The following RIMS3 variants were observed in gnomAD, a reference collection of about 807,000 sequenced individuals.
RIMS3 encodes regulating synaptic membrane exocytosis protein 3.
Under a neutral mutation model 29.2 loss-of-function variants are expected in RIMS3, and 15 were observed. That is an observed-to-expected ratio of 0.51 (90% CI 0.34 to 0.79). RIMS3 has a LOEUF of 0.79. Ranked by LOEUF, RIMS3 falls within the 30% of genes least tolerant of loss-of-function variation. The pLI is 0.01. For synonymous variants in RIMS3, 161 were observed against 170.1 expected (o/e 0.95, Z 0.41); for missense variants, 342 against 421.4 (o/e 0.81, Z 1.65).
At chr1:40,675,774 A>AC in the RIMS3 span, among the ~76,000 whole-genome samples, 1 of 151,188 alleles carries the variant, frequency 6.6e-6, no homozygotes, top group African/African-American at 2.4e-5. Flanking sequence ...AAAAAAAAAA[A>AC]AAAATTAGCC....
chr1:40,661,345 T>A (rs191483531), intron 1 of RIMS3, among the ~76,000 whole-genome samples: 5 of 152,148 alleles, frequency 3.3e-5, no homozygotes, highest in Non-Finnish European at 5.9e-5. Context: ...GCCCTCCACC[T>A]CATCCTTGGG....
At chr1:40,667,709 A>T (rs1642442776), upstream of RIMS3, among the ~76,000 whole-genome samples, 1 of 152,232 alleles carries the variant, frequency 6.6e-6, no homozygotes, top group Admixed American at 6.5e-5. Context: ...ACCCGATACT[A>T]AAACATACTA....
intron 2 of RIMS3, among the ~76,000 whole-genome samples, chr1:40,646,757 G>C (rs1483872029): frequency 6.6e-6 from 1 of 152,064 alleles, no homozygotes; most frequent in Non-Finnish European, 1.5e-5. Context: ...CCTCTACCCT[G>C]GGGTCTCAGT....
the RIMS3 span, among the ~76,000 whole-genome samples, chr1:40,684,662 A>G: frequency 7.9e-5 from 12 of 152,364 alleles, no homozygotes; most frequent in African/African-American, 2.9e-4. Context: ...AGCTGTAGCT[A>G]GTCTCTTGAC....
chr1:40,633,709 A>G (rs1646503901), intron 4 of RIMS3, among the ~76,000 whole-genome samples: 1 of 152,262 alleles, frequency 6.6e-6, no homozygotes, highest in African/African-American at 2.4e-5. Flanking sequence ...TGGTTGTTCC[A>G]TGACTGTGTG....
Position 40,635,901 on chromosome 1 carries a change from C to G in RIMS3, c.359+15G>C. 1 of 1,611,822 alleles carries G rather than the reference C, an allele frequency of 6.2e-7. No homozygotes were observed. Among genetic ancestry groups the G allele is most frequent in the Non-Finnish European group, 8.5e-7 (1 of 1,179,648 alleles). ...GAGGAGGAGGGAGGGGACCACAGCA[C>G]GGGGCTGCACGCACGTGCCGTCGGA... On this transcript the variant is annotated intron_variant, in intron 4 of 7. Coordinates refer to ENST00000372684, the MANE Select transcript of RIMS3 (RefSeq NM_014747.3). This position sits in a 1 kb window ranked among gnomAD's most constrained non-coding sequence, Gnocchi z 4.1.
Position 40,654,235 on chromosome 1 carries a change from C to G in RIMS3, c.-206-6393G>C, listed in dbSNP as rs1642238379. 6.6e-6 allele frequency among the ~76,000 whole-genome samples: 1 copy of G among 150,834 alleles called. No individual in the cohort carries two copies. Among genetic ancestry groups the G allele is most frequent in the African/African-American group, 2.4e-5 (1 of 41,198 alleles). ...TCATGGGGGGAAGGGGCTCCAGTTA[C>G]CAGCCCCGCACCAAGCCGGAAGGCG... On this transcript the variant is annotated intron_variant, in intron 1 of 7. Coordinates refer to ENST00000372684, the MANE Select transcript of RIMS3 (RefSeq NM_014747.3). This position sits in a 1 kb window ranked among gnomAD's most constrained non-coding sequence, Gnocchi z 5.3.
the RIMS3 span, among the ~76,000 whole-genome samples, chr1:40,684,770 G>A: frequency 1.3e-5 from 2 of 152,172 alleles, no homozygotes; most frequent in African/African-American, 4.8e-5. Context: ...AGGGAAGAGT[G>A]GATTGTTATA....
chr1:40,637,467 C>A (rs1019168146), intron 3 of RIMS3, among the ~76,000 whole-genome samples: 2 of 151,816 alleles, frequency 1.3e-5, no homozygotes, highest in African/African-American at 4.8e-5. Flanking sequence ...GAATCCATGA[C>A]ACCATCAACA....
In RIMS3 at chr1:40,654,047, C is replaced by A. The variant is rs1273915738; in HGVS notation, c.-206-6205G>T. 1.3e-5 allele frequency among the ~76,000 whole-genome samples: 2 copies of A among 152,240 alleles called. No homozygotes were observed. The highest frequency in any genetic ancestry group is 3.9e-4 in the East Asian group (2 of 5,178). On this transcript the variant is annotated intron_variant, in intron 1 of 7. Coordinates refer to ENST00000372684, the MANE Select transcript of RIMS3 (RefSeq NM_014747.3). The surrounding 1 kb of genome is among the most constrained non-coding windows in gnomAD (Gnocchi z 5.3). ...TTGGTGGATGGGACAATCTCTCCCC[C>A]TCCCACACCCTCGCTGGGGGAGACA...
Position 40,620,971 on chromosome 1 carries a change from A to T in RIMS3, c.*5546T>A, listed in dbSNP as rs780342765. ...TTTGCAGGATGCATTTGGAAAGTCT[A>T]AAAAAAGGGGTTCTTGCCTTCTGTG... On this transcript the variant is annotated 3_prime_UTR_variant, in exon 8 of 8. Coordinates refer to ENST00000372684, the MANE Select transcript of RIMS3 (RefSeq NM_014747.3). 7.9e-5 allele frequency: 12 copies of T among 152,558 alleles called. No individual in the cohort carries two copies. Among genetic ancestry groups the T allele is most frequent in the Non-Finnish European group, 1.6e-4 (11 of 68,042 alleles). 9.5% of individuals were successfully genotyped at this position (152,558 alleles called of 1,614,324 possible). A position where few individuals can be genotyped will look rare whatever the true frequency, so the allele number is the denominator to read the frequency against.
upstream of RIMS3, among the ~76,000 whole-genome samples, chr1:40,666,365 G>T (rs1237085026): frequency 6.6e-6 from 1 of 152,188 alleles, no homozygotes; most frequent in Non-Finnish European, 1.5e-5. Context: ...CATGAGAAGA[G>T]ACCAGGGATG....
intron 1 of RIMS3, among the ~76,000 whole-genome samples, chr1:40,656,152 T>C (rs1448499058): frequency 6.6e-6 from 1 of 152,228 alleles, no homozygotes; most frequent in Non-Finnish European, 1.5e-5. Flanking sequence ...GAGGATCACT[T>C]GAGTCCAGGA....
At chr1:40,679,539 G>A in the RIMS3 span, among the ~76,000 whole-genome samples, 4 of 152,176 alleles carry the variant, frequency 2.6e-5, no homozygotes, top group Admixed American at 1.3e-4. Flanking sequence ...ATTTGCACTC[G>A]TCATCTGCTT....
chr1:40,655,555 G>A lies in RIMS3; in HGVS notation c.-206-7713C>T, dbSNP rs1390331290. Among the ~76,000 whole-genome samples, 6 of 152,218 alleles carry A rather than the reference G, an allele frequency of 3.9e-5. 1 individual carries two copies. The highest frequency in any genetic ancestry group is 2.1e-4 in the South Asian group (1 of 4,836). On this transcript the variant is annotated intron_variant, in intron 1 of 7. Transcript: ENST00000372684. ...GGTGAGCAGAAGAGAGCAGGCCAGC[G>A]CAGCAGGGGGAGACCCCTAGATTTG...
At chr1:40,632,979 A>T in intron 5 of RIMS3, 90 bp downstream of exon 5, 2 of 957,150 alleles carry the variant, frequency 2.1e-6, no homozygotes. Context: ...AATAAACTCT[A>T]CGATGGCCAA....
At position 40,635,889 on chromosome 1, in the gene RIMS3, G is replaced by A. The variant is rs940914068; in HGVS notation, c.359+27C>T. On this transcript the variant is annotated intron_variant, in intron 4 of 7. Coordinates refer to ENST00000372684, the MANE Select transcript of RIMS3 (RefSeq NM_014747.3). The surrounding 1 kb of genome is among the most constrained non-coding windows in gnomAD (Gnocchi z 4.1). ...GACTGGAGGACCGAGGAGGAGGGAG[G>A]GGACCACAGCACGGGGCTGCACGCA... 4 of 1,608,480 alleles carry A rather than the reference G, an allele frequency of 2.5e-6. No individual in the cohort carries two copies. Among genetic ancestry groups the A allele is most frequent in the Non-Finnish European group, 3.4e-6 (4 of 1,177,518 alleles).
chr1:40,638,399 C>A (rs1457654718), intron 3 of RIMS3, among the ~76,000 whole-genome samples: 1 of 152,228 alleles, frequency 6.6e-6, no homozygotes, highest in Non-Finnish European at 1.5e-5. Flanking sequence ...ATAGTCTCAA[C>A]CCCTGCTGAT....
At chr1:40,672,146 C>T in the RIMS3 span, among the ~76,000 whole-genome samples, 5 of 151,708 alleles carry the variant, frequency 3.3e-5, no homozygotes, top group Admixed American at 6.6e-5. Context: ...AAGTGATCAC[C>T]TCAATCACCC....
Sources: gnomAD v4.1 joint callset for allele counts (sites outside exome capture counted in the v4.1 genomes callset) on GRCh38, gnomAD v4.1.1 for gene constraint, Gnocchi (gnomAD v3.1) non-coding constraint, MANE v1.5 for transcripts, NCBI Gene and HGNC (gene_info 2026-07-23, HGNC 2026-07-21) for gene names.